Variants in WWC2 observed in about 807,000 individuals in gnomAD.
WWC2 encodes protein WWC2.
Under a neutral mutation model 138.5 loss-of-function variants are expected in WWC2, and 101 were observed. The observed-to-expected ratio is 0.73, with a 90% CI of 0.62 to 0.86. The LOEUF is 0.86. WWC2 is among the 40% of genes least tolerant of loss of function. The pLI, the probability that WWC2 is intolerant of heterozygous loss-of-function variation, is 0.00. For synonymous variants in WWC2, 558 were observed against 538.4 expected (o/e 1.04, Z -0.50); for missense variants, 1,420 against 1,419.4 (o/e 1.00, Z -0.01).
intron 11 of WWC2, among the ~76,000 whole-genome samples, chr4:183,263,813 A>G (rs1381413696): frequency 6.6e-6 from 1 of 151,998 alleles, no homozygotes; most frequent in Non-Finnish European, 1.5e-5. Context: ...TTTTCAGGGG[A>G]CGTCTGCCCT....
chr4:183,146,689 A>G (rs984412183), intron 1 of WWC2, among the ~76,000 whole-genome samples: 5 of 151,888 alleles, frequency 3.3e-5, no homozygotes, highest in African/African-American at 9.6e-5. Flanking sequence ...TCTGTATGAC[A>G]GGGTGGGGCT....
intron 21 of WWC2, among the ~76,000 whole-genome samples, chr4:183,310,594 AG>A (rs1365128621): frequency 2.0e-5 from 3 of 151,752 alleles, no homozygotes; most frequent in African/African-American, 7.3e-5. Flanking sequence ...TTAAACTCCC[AG>A]GCTCAAGTGA....
intron 16 of WWC2, among the ~76,000 whole-genome samples, chr4:183,275,615 C>T (rs1006584200): frequency 2.0e-5 from 3 of 152,034 alleles, no homozygotes; most frequent in African/African-American, 7.2e-5. Context: ...AATTGATTTT[C>T]AAGTATTAAA....
intron 1 of WWC2, among the ~76,000 whole-genome samples, chr4:183,154,978 G>C (rs1733756472): frequency 6.6e-6 from 1 of 152,186 alleles, no homozygotes; most frequent in South Asian, 2.1e-4. Context: ...TCTCGCAGCT[G>C]CTCTGTCCCA....
At chr4:183,270,372 T>A (rs1301399629) in intron 15 of WWC2, among the ~76,000 whole-genome samples, 1 of 152,238 alleles carries the variant, frequency 6.6e-6, no homozygotes, top group Non-Finnish European at 1.5e-5. Flanking sequence ...AACTGTTGCT[T>A]TTTGATGTCT....
chr4:183,243,611 A>T (rs1055799484), intron 5 of WWC2, among the ~76,000 whole-genome samples: 1 of 152,180 alleles, frequency 6.6e-6, no homozygotes, highest in East Asian at 1.9e-4. Context: ...ATTTTAGGAT[A>T]GTTCCCCTAC....
intron 10 of WWC2, among the ~76,000 whole-genome samples, chr4:183,260,194 TA>T (rs1274476717): frequency 6.6e-6 from 1 of 152,190 alleles, no homozygotes; most frequent in African/African-American, 2.4e-5. Context: ...TTTTTTTTAA[TA>T]AAAAACTACA....
chr4:183,126,305 C>T (rs1328863218), intron 1 of WWC2, among the ~76,000 whole-genome samples: 10 of 152,134 alleles, frequency 6.6e-5, no homozygotes, highest in South Asian at 4.1e-4. Context: ...TCCTGGATTG[C>T]GTATTTAAAG....
At chr4:183,276,219 T>C (rs551762805) in intron 16 of WWC2, among the ~76,000 whole-genome samples, 72 of 152,242 alleles carry the variant, frequency 4.7e-4, no homozygotes, top group African/African-American at 1.5e-3. Context: ...ATATTTAAAG[T>C]ATTCTACTTA....
At position 183,265,928 on chromosome 4, in the gene WWC2, C is replaced by G; in HGVS notation, c.2184C>G (p.Phe728Leu). Reference protein sequence around the residue: ...IIAQLRNLHAFLIPHTSKVYF... With the variant: ...IIAQLRNLHALLIPHTSKVYF... ...CACAGCTCCGAAACCTTCATGCCTT[C>G]TTGATACCTCATACTTCAAAAGTGT... Residue 728 changes from phenylalanine (F) to leucine (L), a missense_variant, in exon 14 of 23, where the codon TTC becomes TTG. Transcript: ENST00000403733. 5 of 1,612,900 alleles carry G rather than the reference C, an allele frequency of 3.1e-6. No homozygotes were observed. Among genetic ancestry groups the G allele is most frequent in the Non-Finnish European group, 4.2e-6 (5 of 1,179,458 alleles).
At chr4:183,102,563 G>A (rs1743211828) in intron 1 of WWC2, among the ~76,000 whole-genome samples, 1 of 152,184 alleles carries the variant, frequency 6.6e-6, no homozygotes, top group Non-Finnish European at 1.5e-5. Context: ...TACAGCATGT[G>A]TCCTTAATCA....
chr4:183,273,509 G>A (rs539471240), intron 16 of WWC2, among the ~76,000 whole-genome samples: 57 of 152,126 alleles, frequency 3.7e-4, no homozygotes, highest in African/African-American at 1.3e-3. Flanking sequence ...TCTCCATGTT[G>A]GTCAGGCTGG....
At chr4:183,244,192 A>C (rs887932805) in intron 5 of WWC2, among the ~76,000 whole-genome samples, 1 of 152,188 alleles carries the variant, frequency 6.6e-6, no homozygotes, top group Non-Finnish European at 1.5e-5. Context: ...AGGCATAGCC[A>C]TATGTCCCAC....
intron 1 of WWC2, among the ~76,000 whole-genome samples, chr4:183,129,162 C>T (rs990014919): frequency 2.0e-5 from 3 of 152,194 alleles, no homozygotes; most frequent in Non-Finnish European, 4.4e-5. Context: ...ATAGCAGTTA[C>T]TTGGAGTTCA....
At chr4:183,167,370 A>G (rs1456156127) in intron 1 of WWC2, among the ~76,000 whole-genome samples, 2 of 152,204 alleles carry the variant, frequency 1.3e-5, no homozygotes, top group Non-Finnish European at 2.9e-5. Context: ...TGCAGAAATG[A>G]TAAGTGAGAA....
At chr4:183,121,441 A>G (rs1243275978) in intron 1 of WWC2, among the ~76,000 whole-genome samples, 9 of 152,004 alleles carry the variant, frequency 5.9e-5, no homozygotes, top group Non-Finnish European at 7.4e-5. Context: ...CCAATGAGCA[A>G]TTTCCTTTGA....
chr4:183,281,728 A>T (rs759494977), intron 17 of WWC2, among the ~76,000 whole-genome samples: 2 of 152,188 alleles, frequency 1.3e-5, no homozygotes, highest in Non-Finnish European at 2.9e-5. Context: ...ATGTAAAAAG[A>T]TATAGATATA....
chr4:183,185,499 A>G (rs1298417431), intron 1 of WWC2, among the ~76,000 whole-genome samples: 2 of 152,336 alleles, frequency 1.3e-5, no homozygotes, highest in East Asian at 1.9e-4. Context: ...TCTTTGGCCA[A>G]ATACTGAAGT....
At chr4:183,174,352 T>C (rs6823185) in intron 1 of WWC2, among the ~76,000 whole-genome samples, 4,592 of 152,312 alleles carry the variant, frequency 0.03, 244 homozygotes, top group African/African-American at 0.11. Context: ...GGTGCTGGAA[T>C]TCCTGAGCCG....
Sources: gnomAD v4.1 joint callset for allele counts (sites outside exome capture counted in the v4.1 genomes callset) on GRCh38, gnomAD v4.1.1 for gene constraint, MANE v1.5 for transcripts, NCBI Gene and HGNC (gene_info 2026-07-23, HGNC 2026-07-21) for gene names.